The following THADA variants were observed in gnomAD, a reference collection of about 807,000 sequenced individuals.
The protein encoded by THADA is tRNA (32-2'-O)-methyltransferase regulator THADA.
In THADA, 213 loss-of-function variants were observed where a neutral mutation model predicts 219.8. The ratio of observed to expected loss-of-function variants is 0.97; its 90% CI spans 0.87 to 1.09. THADA has a LOEUF of 1.09. Among genes scored for constraint, THADA ranks in the 50% least tolerant of loss-of-function variants. THADA has a pLI of 0.00. For synonymous variants in THADA, 1,018 were observed against 828.9 expected, an observed-to-expected ratio of 1.23 and a Z score of -3.92; for missense variants, 2,956 against 2,311.3, an observed-to-expected ratio of 1.28 and a Z score of -5.72.
chr2:43,455,706 G>A (rs903154219), intron 26 of THADA, among the ~76,000 whole-genome samples: 1 of 152,214 alleles, frequency 6.6e-6, no homozygotes, highest in African/African-American at 2.4e-5. Context: ...GCAAAGGATA[G>A]GTTAGGTTCT....
In THADA at chr2:43,362,870, AT is replaced by A. The variant is rs369477158; in HGVS notation, c.4228-18634del. Among the ~76,000 whole-genome samples the A allele has an allele frequency of 1.9e-4, 29 of 151,520 alleles. 1 individual carries two copies. The East Asian group carries it at 4.8e-3, about 25-fold the overall frequency. ...TTTTAAGCTTTTTCCTATTTTTTCT[AT>A]TTTAAATTTTATGTTTTTACTTTTT... On this transcript the variant is annotated intron_variant, in intron 29 of 37. Transcript: ENST00000405975.
In THADA at chr2:43,578,524, T is replaced by A; in HGVS notation, c.805A>T (p.Ile269Phe). 1 of 1,609,742 alleles carries A rather than the reference T, an allele frequency of 6.2e-7. No homozygotes were observed. The highest frequency in any genetic ancestry group is 2.2e-5 in the East Asian group (1 of 44,832). Reference protein sequence around the residue: ...IKTMFHPSEKIPHLISSVLLR... With the variant: ...IKTMFHPSEKFPHLISSVLLR... ...GGAGATGCACTTACCAAATGAGGAA[T>A]CTTTTCAGACGGGTGAAACATAGTC... Residue 269 changes from isoleucine (I) to phenylalanine (F), a missense_variant, in exon 9 of 38, where the codon ATT becomes TTT. By Grantham distance (21) the Ile-to-Phe change is conservative. Transcript: ENST00000405975.
In THADA at chr2:43,478,073, T is replaced by C. The variant is rs542841357; in HGVS notation, c.3836+7161A>G. Among the ~76,000 whole-genome samples, 5 of 152,314 alleles carry C rather than the reference T, an allele frequency of 3.3e-5. No homozygotes were observed. In the East Asian group the frequency reaches 9.6e-4, roughly 29 times the overall value. On this transcript the variant is annotated intron_variant, in intron 26 of 37. Coordinates refer to ENST00000405975, the MANE Select transcript of THADA (RefSeq NM_022065.5). ...TGATTCTCACATTTCCTAAACTAGT[T>C]TCCATGTTGGTCTTACCTCTCAATA...
intron 7 of THADA, among the ~76,000 whole-genome samples, chr2:43,583,757 AAC>A (rs1700704834): frequency 6.6e-6 from 1 of 152,172 alleles, no homozygotes; most frequent in African/African-American, 2.4e-5. Context: ...ATATGCTACA[AAC>A]GTGGAAGACC....
intron 31 of THADA, among the ~76,000 whole-genome samples, chr2:43,317,885 C>G (rs1678255588): frequency 6.6e-6 from 1 of 152,136 alleles, no homozygotes; most frequent in African/African-American, 2.4e-5. Context: ...CAGCCACATT[C>G]TTCATCATTA....
intron 29 of THADA, among the ~76,000 whole-genome samples, chr2:43,352,415 G>A (rs1482284094): frequency 1.3e-5 from 2 of 152,044 alleles, no homozygotes; most frequent in East Asian, 3.8e-4. Context: ...AAAATTAGCT[G>A]GGTGTGGTGG....
At chr2:43,527,810 T>A in intron 22 of THADA, 69 bp downstream of exon 22, 1 of 1,099,194 alleles carries the variant, frequency 9.1e-7, no homozygotes, top group Non-Finnish European at 1.3e-6. Flanking sequence ...CACAACTAAA[T>A]TCTACTCCAA....
chr2:43,458,648 T>A (rs2104920539), intron 26 of THADA, among the ~76,000 whole-genome samples: 1 of 152,120 alleles, frequency 6.6e-6, no homozygotes, highest in South Asian at 2.1e-4. Context: ...CTAGCCTACA[T>A]CTCCGGTTTA....
At chr2:43,553,521 T>C (rs1696997435) in intron 17 of THADA, among the ~76,000 whole-genome samples, 1 of 152,170 alleles carries the variant, frequency 6.6e-6, no homozygotes. Context: ...TATCAGGAGC[T>C]GGAAACTTGA....
At chr2:43,535,646 C>CA (rs971997271) in intron 21 of THADA, among the ~76,000 whole-genome samples, 10 of 124,496 alleles carry the variant, frequency 8.0e-5, no homozygotes, top group African/African-American at 3.2e-4. Flanking sequence ...AGCGCCACTG[C>CA]ACTCAAGCCT....
intron 20 of THADA, among the ~76,000 whole-genome samples, chr2:43,542,740 T>A (rs908353149): frequency 6.6e-6 from 1 of 152,234 alleles, no homozygotes; most frequent in Non-Finnish European, 1.5e-5. Context: ...GTTCATTATA[T>A]AGCACTGCTC....
intron 34 of THADA, among the ~76,000 whole-genome samples, chr2:43,290,396 C>T (rs1039223941): frequency 2.6e-5 from 4 of 151,990 alleles, no homozygotes; most frequent in Non-Finnish European, 5.9e-5. Flanking sequence ...ACGTTTGGCT[C>T]CCTGGCTTGC....
intron 36 of THADA, among the ~76,000 whole-genome samples, chr2:43,242,240 C>G (rs960135140): frequency 6.6e-6 from 1 of 152,354 alleles, no homozygotes; most frequent in Non-Finnish European, 1.5e-5. Flanking sequence ...AGATACCACC[C>G]GCTTAGCACT....
chr2:43,454,354 A>G (rs1682723526), intron 26 of THADA, among the ~76,000 whole-genome samples: 1 of 152,080 alleles, frequency 6.6e-6, no homozygotes, highest in South Asian at 2.1e-4. Context: ...TAATCCCAAC[A>G]CTTTGGGAGG....
At chr2:43,527,078 A>C (rs1693255023) in intron 22 of THADA, among the ~76,000 whole-genome samples, 1 of 152,212 alleles carries the variant, frequency 6.6e-6, no homozygotes, top group South Asian at 2.1e-4. Context: ...AAATGTTTTT[A>C]CCAGGCATGT....
intron 31 of THADA, among the ~76,000 whole-genome samples, chr2:43,310,149 C>T (rs993080900): frequency 1.3e-5 from 2 of 151,618 alleles, no homozygotes; most frequent in Non-Finnish European, 2.9e-5. Flanking sequence ...TCAAATTGAT[C>T]TACAGATTTA....
Position 43,556,837 on chromosome 2 carries a change from G to A in THADA, c.2464-282C>T, listed in dbSNP as rs1057225883. On this transcript the variant is annotated intron_variant, in intron 16 of 37. Transcript: ENST00000405975. ...CCCATCACTTTGGAAGGCCAAGATGGGAGGATCACTTGAGGTTAGGAGTCT... is the reference window on the plus strand; with the variant it reads ...CCCATCACTTTGGAAGGCCAAGATGAGAGGATCACTTGAGGTTAGGAGTCT... Among the ~76,000 whole-genome samples, 3 of 152,106 alleles carry A rather than the reference G, an allele frequency of 2.0e-5. No homozygotes were observed. The South Asian group carries it at 6.2e-4, about 32-fold the overall frequency.
At chr2:43,389,209 G>A (rs557109715) in intron 29 of THADA, among the ~76,000 whole-genome samples, 18 of 152,320 alleles carry the variant, frequency 1.2e-4, no homozygotes, top group African/African-American at 4.1e-4. Flanking sequence ...TGGCTCCAGA[G>A]TCCACTCTTA....
chr2:43,374,249 A>G (rs1671125857), intron 29 of THADA, among the ~76,000 whole-genome samples: 1 of 152,226 alleles, frequency 6.6e-6, no homozygotes, highest in Non-Finnish European at 1.5e-5. Flanking sequence ...ATTAGTGCAC[A>G]AAAGATCTTT....
Sources: gnomAD v4.1 joint callset for allele counts (sites outside exome capture counted in the v4.1 genomes callset) on GRCh38, gnomAD v4.1.1 for gene constraint, MANE v1.5 for transcripts, NCBI Gene and HGNC (gene_info 2026-07-23, HGNC 2026-07-21) for gene names.